PASD1: variants seen among roughly 807,000 people sequenced by gnomAD.
PASD1 encodes the protein circadian clock protein PASD1.
PASD1 carries 13 observed loss-of-function variants against 58.8 expected under a neutral mutation model. The observed-to-expected ratio is 0.22, with a 90% confidence interval of 0.14 to 0.35. The LOEUF is 0.35. Among genes scored for constraint, PASD1 ranks in the 10% least tolerant of loss-of-function variants. The pLI is 1.00. For synonymous variants in PASD1, 236 were observed against 216.7 expected, an observed-to-expected ratio of 1.09 and a Z score of -0.78; for missense variants, 734 against 568.3, an observed-to-expected ratio of 1.29 and a Z score of -2.96.
chrX:151,631,076 G>T (rs1236805700), intron 8 of PASD1, among the ~76,000 whole-genome samples: 2 of 112,207 alleles, frequency 1.8e-5, no homozygotes, highest in Non-Finnish European at 3.8e-5. Flanking sequence ...GTACTCTTTG[G>T]ATTTGCCCAG....
chrX:151,653,879 T>TCC (rs2014196410), intron 9 of PASD1, among the ~76,000 whole-genome samples: 1 of 19,797 alleles, frequency 5.1e-5, no homozygotes, highest in East Asian at 1.6e-3. Context: ...TCTTTCTTTC[T>TCC]TTCTTTCTTT....
chrX:151,602,316 C>T (rs1336790894), intron 2 of PASD1, among the ~76,000 whole-genome samples: 1 of 111,702 alleles, frequency 9.0e-6, no homozygotes, highest in Admixed American at 9.5e-5. Context: ...GATTCTGCCT[C>T]TATCTTTGCT....
rs2013217701 is a variant in PASD1 at position 151,589,581 on chromosome X, G to A, written c.-27-11946G>A. Among the ~76,000 whole-genome samples, 3 of 111,685 alleles carry A rather than the reference G, an allele frequency of 2.7e-5. No individual in the cohort carries two copies. In the South Asian group the frequency reaches 1.1e-3, roughly 42 times the overall value. ...ATTCTCATAAAAACCTTGGCATGTA[G>A]GTATTATAACCCCCATTTTAAAGTT... On this transcript the variant is annotated intron_variant, in intron 1 of 15. Coordinates refer to ENST00000370357, the MANE Select transcript of PASD1 (RefSeq NM_173493.3).
At chrX:151,612,200 T>G (rs2013572623) in intron 4 of PASD1, among the ~76,000 whole-genome samples, 2 of 20,883 alleles carry the variant, frequency 9.6e-5, no homozygotes, top group Admixed American at 9.7e-4. Context: ...TGCCACATTT[T>G]CTTAATCCAG....
intron 8 of PASD1, among the ~76,000 whole-genome samples, chrX:151,644,560 C>T (rs1157541680): frequency 2.7e-5 from 3 of 111,228 alleles, no homozygotes; most frequent in Non-Finnish European, 5.7e-5. Flanking sequence ...ATTAAAATTA[C>T]AAAAGAACAA....
intron 8 of PASD1, among the ~76,000 whole-genome samples, chrX:151,638,788 T>C (rs779063434): frequency 2.5e-3 from 278 of 111,869 alleles, no homozygotes; most frequent in Non-Finnish European, 4.2e-3. Context: ...CATAAACTTT[T>C]TTTTTCCCAA....
intron 14 of PASD1, 46 bp from the exon 15 acceptor site, chrX:151,673,882 A>T: frequency 8.3e-7 from 1 of 1,202,008 alleles, no homozygotes; most frequent in East Asian, 3.0e-5. Context: ...CTCATCAGTT[A>T]TCATGTCCAG....
intron 9 of PASD1, among the ~76,000 whole-genome samples, chrX:151,649,973 A>G (rs559918234): frequency 1.8e-5 from 2 of 112,561 alleles, no homozygotes; most frequent in East Asian, 5.6e-4. Flanking sequence ...TGCTCATTTA[A>G]CAAAGTATGT....
intron 4 of PASD1, among the ~76,000 whole-genome samples, chrX:151,614,131 C>T (rs980665227): frequency 7.3e-5 from 8 of 110,226 alleles, no homozygotes; most frequent in African/African-American, 2.0e-4. Flanking sequence ...ATTATAGGCA[C>T]GCATCACCAC....
Position 151,671,062 on chromosome X carries a change from G to T in PASD1, c.1096G>T (p.Ala366Ser). The stretch of plus-strand genomic sequence containing the variant: ...GCCATTACAGCCATCATCACCAGTT[G>T]CATATGACATCATTAGCCAGGAACT... ...AQPLQPSSPV[A>S]YDIISQELEL... Residue 366 changes from alanine (A) to serine (S), a missense_variant, in exon 12 of 16, where the codon GCA becomes TCA. Transcript: ENST00000370357. The T allele has an allele frequency of 8.3e-7, 1 of 1,210,984 alleles. No individual in the cohort carries two copies. The highest frequency in any genetic ancestry group is 1.1e-6 in the Non-Finnish European group (1 of 895,158).
intron 3 of PASD1, among the ~76,000 whole-genome samples, chrX:151,605,401 G>A (rs1450566816): frequency 9.0e-6 from 1 of 111,046 alleles, no homozygotes; most frequent in African/African-American, 3.3e-5. Flanking sequence ...GAAATTATCC[G>A]TCCAGTCCCT....
At chrX:151,587,702 C>T (rs1569400074) in intron 1 of PASD1, among the ~76,000 whole-genome samples, 1 of 111,709 alleles carries the variant, frequency 9.0e-6, no homozygotes, top group Non-Finnish European at 1.9e-5. Flanking sequence ...GTAGGGATAC[C>T]TCAAAAACAC....
At position 151,613,989 on chromosome X, in the gene PASD1, CT is replaced by C. The variant is rs374439982; in HGVS notation, c.207+2248del. Reference sequence around the variant, plus strand: ...ATATAGTAGAAGAAGCGAGGGAGCTCTTTTTTTTTTTTAAGATTGGGTCTCA... The same window carrying C: ...ATATAGTAGAAGAAGCGAGGGAGCTCTTTTTTTTTTTAAGATTGGGTCTCA... On this transcript the variant is annotated intron_variant, in intron 4 of 15. Transcript: ENST00000370357. Among the ~76,000 whole-genome samples the C allele has an allele frequency of 3.5e-3, 358 of 102,334 alleles. 1 individual carries two copies. Among genetic ancestry groups the C allele is most frequent in the Non-Finnish European group, 5.1e-3 (255 of 49,829 alleles). The allele number at this position is 102,334 out of a possible 115,157, so 88.9% of individuals were successfully genotyped here. A position where few individuals can be genotyped will look rare whatever the true frequency, so the allele number is the denominator to read the frequency against.
At chrX:151,670,049 A>G (rs2014444247) in intron 11 of PASD1, among the ~76,000 whole-genome samples, 1 of 111,931 alleles carries the variant, frequency 8.9e-6, no homozygotes, top group South Asian at 3.7e-4. Flanking sequence ...CATCCTCACC[A>G]GCATTTGTTA....
intron 14 of PASD1, chrX:151,673,552 A>AGAGAGCACTGGATTTG (rs1182616911): frequency 4.3e-6 from 1 of 232,280 alleles, no homozygotes; most frequent in Admixed American, 6.2e-5. Flanking sequence ...AGGGTTGTGG[A>AGAGAGCACTGGATTTG]GAGAGCACTG....
chrX:151,632,460 C>T (rs186091942), intron 8 of PASD1, among the ~76,000 whole-genome samples: 97 of 111,587 alleles, frequency 8.7e-4, no homozygotes, highest in African/African-American at 3.1e-3. Flanking sequence ...GAGGAACATT[C>T]AGAGCATGCA....
intron 3 of PASD1, 83 bp from the exon 4 acceptor site, chrX:151,611,581 T>C (rs2013558803): frequency 1.5e-6 from 1 of 654,750 alleles, no homozygotes; most frequent in East Asian, 3.4e-5. Context: ...TGTGCTATTA[T>C]AATTATCTAT....
intron 1 of PASD1, among the ~76,000 whole-genome samples, chrX:151,572,552 C>A (rs1323772093): frequency 9.0e-6 from 1 of 111,425 alleles, no homozygotes; most frequent in African/African-American, 3.3e-5. Context: ...AGATTCTTTA[C>A]GGTTTAAATT....
intron 4 of PASD1, among the ~76,000 whole-genome samples, chrX:151,619,615 A>G (rs2013679299): frequency 9.0e-6 from 1 of 111,464 alleles, no homozygotes; most frequent in South Asian, 3.8e-4. Flanking sequence ...AGGGAAAAGG[A>G]AGGATCAATT....
Sources: allele counts gnomAD v4.1 joint callset (sites outside exome capture counted in the v4.1 genomes callset), GRCh38; gene constraint gnomAD v4.1.1; transcripts MANE v1.5; gene names NCBI Gene and HGNC (gene_info 2026-07-23, HGNC 2026-07-21).